The following RELN variants were observed in gnomAD, a reference collection of about 807,000 sequenced individuals.
The protein encoded by RELN is reelin.
In RELN, 108 loss-of-function variants were observed where a neutral mutation model predicts 427.6. The observed-to-expected ratio is 0.25, with a 90% confidence interval of 0.22 to 0.30. The LOEUF (loss-of-function observed/expected upper bound fraction) is 0.30, where lower values mean the gene tolerates loss of function less well. Among genes scored for constraint, RELN ranks in the 10% least tolerant of loss-of-function variants. RELN has a pLI of 1.00. For synonymous variants in RELN, 1,524 were observed against 1,513.4 expected (o/e 1.01, Z -0.16); for missense variants, 3,715 against 4,302.8 (o/e 0.86, Z 3.82).
chr7:103,909,973 A>G (rs1267960297), intron 2 of RELN, among the ~76,000 whole-genome samples: 1 of 142,188 alleles, frequency 7.0e-6, no homozygotes, highest in Non-Finnish European at 1.5e-5. Flanking sequence ...CTTGATGGGG[A>G]TGGCATTGAA....
intron 1 of RELN, among the ~76,000 whole-genome samples, chr7:103,922,067 A>G (rs1795628015): frequency 6.6e-6 from 1 of 152,330 alleles, no homozygotes; most frequent in East Asian, 1.9e-4. Context: ...TTATTACAAC[A>G]TAACATATAA....
At chr7:103,765,285 A>G (rs1294902732) in intron 4 of RELN, among the ~76,000 whole-genome samples, 1 of 152,204 alleles carries the variant, frequency 6.6e-6, no homozygotes, top group Non-Finnish European at 1.5e-5. Flanking sequence ...ACACCATTCC[A>G]CTAAGTTTAC....
chr7:103,712,067 T>C (rs898475099), intron 8 of RELN, among the ~76,000 whole-genome samples: 2 of 152,176 alleles, frequency 1.3e-5, no homozygotes, highest in Non-Finnish European at 2.9e-5. Context: ...TTCCAAGGCT[T>C]GCTAACTGGA....
At chr7:103,913,024 A>T (rs147287365) in intron 2 of RELN, among the ~76,000 whole-genome samples, 35 of 152,276 alleles carry the variant, frequency 2.3e-4, no homozygotes, top group Non-Finnish European at 4.4e-4. Flanking sequence ...ATTTCAAATC[A>T]GGCATTGCTG....
At chr7:103,960,297 C>G (rs1243011899) in intron 1 of RELN, among the ~76,000 whole-genome samples, 1 of 152,150 alleles carries the variant, frequency 6.6e-6, no homozygotes, top group Non-Finnish European at 1.5e-5. Context: ...AGGCAGTTTC[C>G]TATATGTTTA....
chr7:103,726,188 T>C (rs998675884), intron 7 of RELN, among the ~76,000 whole-genome samples: 2 of 152,186 alleles, frequency 1.3e-5, no homozygotes, highest in Non-Finnish European at 2.9e-5. Flanking sequence ...TTTCATTTGA[T>C]TGATCTGTCT....
At chr7:103,495,174 CCTTT>C (rs1828799857) in intron 57 of RELN, among the ~76,000 whole-genome samples, 1 of 124,756 alleles carries the variant, frequency 8.0e-6, no homozygotes, top group African/African-American at 3.3e-5. Context: ...AAAAGTAATT[CCTTT>C]TTTTTTTTTT....
At position 103,824,567 on chromosome 7, in the gene RELN, C is replaced by A. The variant is rs577970779; in HGVS notation, c.473+8970G>T. Among the ~76,000 whole-genome samples the A allele has an allele frequency of 6.6e-6, 1 of 150,624 alleles. No individual in the cohort carries two copies. Among genetic ancestry groups the A allele is most frequent in the African/African-American group, 2.4e-5 (1 of 40,982 alleles). On this transcript the variant is annotated intron_variant, in intron 3 of 64. Coordinates refer to ENST00000428762, the MANE Select transcript of RELN (RefSeq NM_005045.4). The surrounding 1 kb of genome is among the most constrained non-coding windows in gnomAD (Gnocchi z 4.4). The stretch of plus-strand genomic sequence containing the variant: ...ACAATGTCAGTTCCTATTTCTTGAC[C>A]CAGCTTTGATATGTCTCCTTTCTTC...
At chr7:103,492,688 A>C (rs188106461) in intron 57 of RELN, among the ~76,000 whole-genome samples, 231 of 152,332 alleles carry the variant, frequency 1.5e-3, no homozygotes, top group African/African-American at 5.2e-3. Flanking sequence ...CAGAGAGAGA[A>C]TAAGAAGCAT....
In RELN at chr7:103,650,354, T is replaced by C. The variant is rs1832888734; in HGVS notation, c.1922A>G (p.Asn641Ser). Residue 641 changes from asparagine to serine, a missense_variant, in exon 16 of 65, where the codon AAC (asparagine) becomes AGC (serine). By Grantham distance (46) the Asn-to-Ser change is conservative. Around this residue, in one of 4 missense-constraint regions of RELN, gnomAD observed 2,208 missense variants for 2,361.7 expected, o/e 0.93. Coordinates refer to ENST00000428762, the MANE Select transcript of RELN (RefSeq NM_005045.4). ...CCTGGTGTTCCGGGTTAGTGCTGCG[T>C]TAGGAAGGGGAATTGTTATTCGGTT... The part of the protein sequence containing the change: ...GWNRITIPLP[N>S]AALTRNTRIR... The C allele has an allele frequency of 6.2e-7, 1 of 1,612,626 alleles. No homozygotes were observed. Among genetic ancestry groups the C allele is most frequent in the East Asian group, 2.2e-5 (1 of 44,834 alleles).
intron 6 of RELN, among the ~76,000 whole-genome samples, chr7:103,736,139 T>C (rs1234988667): frequency 6.6e-6 from 1 of 152,188 alleles, no homozygotes; most frequent in African/African-American, 2.4e-5. Context: ...TTGCCGGCCA[T>C]TTGGTAGCTG....
chr7:103,549,707 C>T (rs961566161), intron 41 of RELN, among the ~76,000 whole-genome samples: 3 of 152,224 alleles, frequency 2.0e-5, no homozygotes, highest in Non-Finnish European at 2.9e-5. Flanking sequence ...TCATAAACTT[C>T]TGTTGCTAAG....
At chr7:103,879,542 A>C (rs1291757477) in intron 2 of RELN, among the ~76,000 whole-genome samples, 7 of 152,192 alleles carry the variant, frequency 4.6e-5, no homozygotes, top group Admixed American at 1.3e-4. Flanking sequence ...ACATTTATTC[A>C]GAGGAGAGAA....
intron 1 of RELN, among the ~76,000 whole-genome samples, chr7:103,929,805 G>C (rs1265120246): frequency 1.3e-5 from 2 of 152,198 alleles, no homozygotes; most frequent in Non-Finnish European, 2.9e-5. Flanking sequence ...AGACAAGAAG[G>C]CAGAGCATTT....
At chr7:103,854,151 T>C (rs1397082748) in intron 2 of RELN, among the ~76,000 whole-genome samples, 1 of 152,182 alleles carries the variant, frequency 6.6e-6, no homozygotes, top group African/African-American at 2.4e-5. Flanking sequence ...TTTCTAAAGT[T>C]AATGCTTATG....
At position 103,596,440 on chromosome 7, in the gene RELN, T is replaced by C; in HGVS notation, c.3539+16A>G. ...TTCCTGGAAACTAATGCGAGGACCA[T>C]CAGGTGGGTAGTTACCTGGGTTTGC... is the stretch of plus-strand genomic sequence containing the variant. On this transcript the variant is annotated intron_variant, in intron 25 of 64. Transcript: ENST00000428762. The C allele has an allele frequency of 1.2e-6, 2 of 1,602,344 alleles. No individual in the cohort carries two copies. The highest frequency in any genetic ancestry group is 1.3e-5 in the African/African-American group (1 of 74,804).
chr7:103,613,894 C>T (rs1832022496), intron 20 of RELN, among the ~76,000 whole-genome samples: 1 of 152,204 alleles, frequency 6.6e-6, no homozygotes. Context: ...TTGTAAATTT[C>T]TCCCTTCTGA....
rs1039547495 is a variant in RELN, at chr7:103,774,785, C to T, written c.544+1772G>A. Among the ~76,000 whole-genome samples, 8 of 152,228 alleles carry T rather than the reference C, an allele frequency of 5.3e-5. 1 individual carries two copies. The South Asian group carries it at 1.7e-3, about 32-fold the overall frequency. ...TTGCACTCTTGTTAGCATTATTTTTCACTTTATCTTGGATAGATTGATATA... is the reference window on the plus strand; with the variant it reads ...TTGCACTCTTGTTAGCATTATTTTTTACTTTATCTTGGATAGATTGATATA... On this transcript the variant is annotated intron_variant, in intron 4 of 64. Coordinates refer to ENST00000428762, the MANE Select transcript of RELN (RefSeq NM_005045.4).
chr7:103,831,488 C>G (rs1366639697), intron 3 of RELN, among the ~76,000 whole-genome samples: 1 of 152,044 alleles, frequency 6.6e-6, no homozygotes, highest in Non-Finnish European at 1.5e-5. Context: ...ATAATCAGCT[C>G]TACAATAGAG....
Sources: gnomAD v4.1 joint callset for allele counts (sites outside exome capture counted in the v4.1 genomes callset) on GRCh38, gnomAD v4.1.1 for gene constraint, gnomAD v4.1.1 regional missense constraint, Gnocchi (gnomAD v3.1) non-coding constraint, MANE v1.5 for transcripts, NCBI Gene and HGNC (gene_info 2026-07-23, HGNC 2026-07-21) for gene names.